Variants in SPHKAP observed in about 807,000 individuals in gnomAD.
SPHKAP encodes the protein A-kinase anchor protein SPHKAP.
Under a neutral mutation model 137.5 loss-of-function variants are expected in SPHKAP, and 67 were observed. The observed-to-expected ratio is 0.49, with a 90% confidence interval of 0.40 to 0.60. The LOEUF (loss-of-function observed/expected upper bound fraction) is 0.60. SPHKAP is among the 20% of genes least tolerant of loss of function. The pLI is 0.00. For synonymous variants in SPHKAP, 813 were observed against 785.3 expected (o/e 1.04, Z -0.59); for missense variants, 2,097 against 2,069.3 (o/e 1.01, Z -0.26).
intron 3 of SPHKAP, among the ~76,000 whole-genome samples, chr2:228,049,969 A>G (rs767598276): frequency 4.6e-5 from 7 of 152,222 alleles, no homozygotes; most frequent in Non-Finnish European, 7.3e-5. Context: ...TTCAATATCT[A>G]TAAGAAACTG....
intron 1 of SPHKAP, among the ~76,000 whole-genome samples, chr2:228,170,043 G>A (rs867054799): frequency 2.0e-5 from 3 of 152,010 alleles, no homozygotes; most frequent in Middle Eastern, 3.4e-3. Context: ...CAACTTTCAT[G>A]GATGACATTG....
At chr2:228,152,918 CA>C in intron 1 of SPHKAP, among the ~76,000 whole-genome samples, 1 of 152,242 alleles carries the variant, frequency 6.6e-6, no homozygotes, top group East Asian at 1.9e-4. Context: ...ATGTCTGTGG[CA>C]GGGGGGACCC....
intron 3 of SPHKAP, among the ~76,000 whole-genome samples, chr2:228,058,092 C>CT (rs1696507335): frequency 1.3e-5 from 2 of 152,142 alleles, no homozygotes; most frequent in Admixed American, 6.5e-5. Flanking sequence ...GACTACATTT[C>CT]TTTTTTTGTT....
chr2:228,122,141 A>G (rs191180832), intron 2 of SPHKAP, among the ~76,000 whole-genome samples: 2 of 152,228 alleles, frequency 1.3e-5, no homozygotes, highest in East Asian at 3.9e-4. Context: ...GGACAGATAT[A>G]TTTAATACAC....
chr2:228,080,732 TA>T (rs1697337213), intron 3 of SPHKAP, among the ~76,000 whole-genome samples: 1 of 15,204 alleles, frequency 6.6e-5, no homozygotes, highest in Non-Finnish European at 1.3e-4. Context: ...TAAAATAAAA[TA>T]AAATAAAATA....
intron 3 of SPHKAP, among the ~76,000 whole-genome samples, chr2:228,029,853 GCCCATTA>G (rs1354948691): frequency 6.6e-6 from 1 of 152,064 alleles, no homozygotes; most frequent in East Asian, 1.9e-4. Flanking sequence ...TTAAAGAAAG[GCCCATTA>G]CCTTGCTCCT....
intron 3 of SPHKAP, among the ~76,000 whole-genome samples, chr2:228,090,863 G>T (rs1331525907): frequency 6.6e-6 from 1 of 152,168 alleles, no homozygotes. Flanking sequence ...AAGGGGAGCA[G>T]ATGCCAGCAC....
intron 1 of SPHKAP, among the ~76,000 whole-genome samples, chr2:228,162,159 G>A (rs1022152750): frequency 6.6e-6 from 1 of 152,132 alleles, no homozygotes; most frequent in African/African-American, 2.4e-5. Flanking sequence ...CAGGAGTTGG[G>A]CCCCTTCAGA....
At chr2:228,063,142 CCCTA>C (rs1696707382) in intron 3 of SPHKAP, among the ~76,000 whole-genome samples, 1 of 114,054 alleles carries the variant, frequency 8.8e-6, no homozygotes, top group Non-Finnish European at 1.9e-5. Context: ...ATAGATAGAT[CCCTA>C]TCTATCTATC....
At chr2:228,090,451 T>C (rs573172292) in intron 3 of SPHKAP, among the ~76,000 whole-genome samples, 1 of 152,308 alleles carries the variant, frequency 6.6e-6, no homozygotes, top group East Asian at 1.9e-4. Context: ...CTTTGGACAC[T>C]GGACTTCGAG....
chr2:228,085,292 C>T (rs1697502369), intron 3 of SPHKAP, among the ~76,000 whole-genome samples: 2 of 152,172 alleles, frequency 1.3e-5, no homozygotes, highest in African/African-American at 2.4e-5. Flanking sequence ...CCTCACATGA[C>T]TTATCGTTAT....
At chr2:228,174,736 T>C (rs574407501) in intron 1 of SPHKAP, among the ~76,000 whole-genome samples, 4 of 152,160 alleles carry the variant, frequency 2.6e-5, no homozygotes, top group Non-Finnish European at 4.4e-5. Context: ...GACCTAGGTA[T>C]GGCAGAGATG....
At chr2:227,998,261 G>C (rs1693710589) in intron 7 of SPHKAP, among the ~76,000 whole-genome samples, 1 of 152,094 alleles carries the variant, frequency 6.6e-6, no homozygotes. Context: ...GCCTCCCAAA[G>C]TGCTGGGATT....
chr2:228,065,402 T>C (rs1696792069), intron 3 of SPHKAP, among the ~76,000 whole-genome samples: 1 of 152,134 alleles, frequency 6.6e-6, no homozygotes, highest in African/African-American at 2.4e-5. Context: ...AACAAGTCTA[T>C]TGGTTCTTGA....
At chr2:228,159,138 C>T (rs1011768157) in intron 1 of SPHKAP, among the ~76,000 whole-genome samples, 2 of 152,186 alleles carry the variant, frequency 1.3e-5, no homozygotes, top group African/African-American at 4.8e-5. Flanking sequence ...CCCACCCTGC[C>T]TTTACCAACT....
intron 11 of SPHKAP, chr2:227,982,360 T>C: frequency 1.0e-6 from 1 of 985,324 alleles, no homozygotes. Flanking sequence ...TCCCTCACCC[T>C]CCAGGCTAAA....
intron 1 of SPHKAP, among the ~76,000 whole-genome samples, chr2:228,156,291 G>A (rs1700105348): frequency 6.6e-6 from 1 of 152,170 alleles, no homozygotes. Context: ...CTCCACTGTA[G>A]ATGGAATGAA....
In SPHKAP at chr2:228,117,974, T is replaced by G. The variant is rs568900020; in HGVS notation, c.139-9035A>C. On this transcript the variant is annotated intron_variant, in intron 2 of 11. Coordinates refer to ENST00000392056, the MANE Select transcript of SPHKAP (RefSeq NM_001142644.2). ...ATACTAAGAGATAAAAAGACAATAT[T>G]TTAGCTTTATTCTAATTTATTGATC... Among the ~76,000 whole-genome samples, 13 of 152,110 alleles carry G rather than the reference T, an allele frequency of 8.5e-5. No individual in the cohort carries two copies. In the East Asian group the frequency reaches 2.5e-3, roughly 29 times the overall value.
intron 3 of SPHKAP, among the ~76,000 whole-genome samples, chr2:228,081,305 T>C (rs965966547): frequency 1.3e-5 from 2 of 152,228 alleles, no homozygotes; most frequent in Non-Finnish European, 2.9e-5. Context: ...CCTTTAAATA[T>C]TGAAGCCCTC....
Sources: allele counts gnomAD v4.1 joint callset (sites outside exome capture counted in the v4.1 genomes callset), GRCh38; gene constraint gnomAD v4.1.1; transcripts MANE v1.5; gene names NCBI Gene and HGNC (gene_info 2026-07-23, HGNC 2026-07-21).